FOXP2: variants seen among roughly 807,000 people sequenced by gnomAD.
FOXP2 encodes forkhead box P2, also known as forkhead box protein P2.
Under a neutral mutation model 115.8 loss-of-function variants are expected in FOXP2, and 12 were observed. The ratio of observed to expected loss-of-function variants is 0.10; its 90% CI spans 0.07 to 0.17. The LOEUF (loss-of-function observed/expected upper bound fraction) is 0.17. Among genes scored for constraint, FOXP2 ranks in the 10% least tolerant of loss-of-function variants. FOXP2 has a pLI of 1.00. For synonymous variants in FOXP2, 328 were observed against 297.7 expected, an observed-to-expected ratio of 1.10 and a Z score of -1.05; for missense variants, 629 against 843.5, an observed-to-expected ratio of 0.75 and a Z score of 3.15.
In FOXP2 at chr7:114,642,206, T is replaced by G. The variant is rs73440417; in HGVS notation, c.776-204T>G. Reference sequence around the variant, plus strand: ...CATTATTCCCCATACTATTCCCAAATTGGTACTCTTTAGAAAATAAATGAT... The same window carrying G: ...CATTATTCCCCATACTATTCCCAAAGTGGTACTCTTTAGAAAATAAATGAT... On this transcript the variant is annotated intron_variant, in intron 6 of 16. Transcript: ENST00000350908. 4.5e-3 allele frequency among the ~76,000 whole-genome samples: 681 copies of G among 152,248 alleles called. 7 individuals are homozygous for G. Among genetic ancestry groups the G allele is most frequent in the African/African-American group, 0.015 (633 of 41,550 alleles).
At chr7:114,256,471 T>C (rs1435897443) in intron 1 of FOXP2, among the ~76,000 whole-genome samples, 1 of 152,176 alleles carries the variant, frequency 6.6e-6, no homozygotes, top group Non-Finnish European at 1.5e-5. Flanking sequence ...GAGCTTTTTT[T>C]CCTGTTTGTT....
chr7:114,241,899 A>G (rs1044644908), intron 1 of FOXP2, among the ~76,000 whole-genome samples: 1 of 151,476 alleles, frequency 6.6e-6, no homozygotes, highest in African/African-American at 2.4e-5. Context: ...TCCCCCAACT[A>G]AAACCATGCC....
chr7:114,177,011 G>C (rs1793334441), intron 1 of FOXP2, among the ~76,000 whole-genome samples: 1 of 152,038 alleles, frequency 6.6e-6, no homozygotes, highest in South Asian at 2.1e-4. Flanking sequence ...CTTCCTCCCT[G>C]TTATTGTGTA....
At chr7:114,637,619 TC>T (rs1805293530) in intron 6 of FOXP2, among the ~76,000 whole-genome samples, 2 of 151,976 alleles carry the variant, frequency 1.3e-5, no homozygotes, top group African/African-American at 4.8e-5. Context: ...CAGACAGAAA[TC>T]CCTGCCATCA....
chr7:114,219,667 T>G (rs1794570193), intron 1 of FOXP2, among the ~76,000 whole-genome samples: 1 of 152,222 alleles, frequency 6.6e-6, no homozygotes, highest in Non-Finnish European at 1.5e-5. Context: ...CACTTATATT[T>G]TAGTGAATAT....
At chr7:114,271,754 TATATATTATTTA>T (rs1796056602) in intron 1 of FOXP2, among the ~76,000 whole-genome samples, 1 of 118,314 alleles carries the variant, frequency 8.5e-6, no homozygotes, top group East Asian at 2.2e-4. Context: ...ATGCATTAAA[TATATATTATTTA>T]ATATATTATT....
At chr7:114,242,541 A>T (rs1795182082) in intron 1 of FOXP2, among the ~76,000 whole-genome samples, 1 of 152,124 alleles carries the variant, frequency 6.6e-6, no homozygotes, top group Non-Finnish European at 1.5e-5. Flanking sequence ...TGGACTAGAG[A>T]TCATCCTCCA....
chr7:114,509,498 T>A (rs1255472942), intron 2 of FOXP2, among the ~76,000 whole-genome samples: 1 of 151,934 alleles, frequency 6.6e-6, no homozygotes, highest in Non-Finnish European at 1.5e-5. Context: ...TGGTATAAAG[T>A]TTTATAAATT....
chr7:114,523,232 T>C (rs946699292), intron 2 of FOXP2, among the ~76,000 whole-genome samples: 1 of 152,178 alleles, frequency 6.6e-6, no homozygotes, highest in Non-Finnish European at 1.5e-5. Context: ...AAACTCAGAA[T>C]GGTGCTGGGA....
At chr7:114,199,806 C>A (rs1026006741) in intron 1 of FOXP2, among the ~76,000 whole-genome samples, 1 of 151,222 alleles carries the variant, frequency 6.6e-6, no homozygotes, top group African/African-American at 2.4e-5. Context: ...AACATACCAC[C>A]GAGTAAATAC....
At chr7:114,330,137 C>T (rs1420075567) in intron 2 of FOXP2, among the ~76,000 whole-genome samples, 3 of 151,764 alleles carry the variant, frequency 2.0e-5, no homozygotes, top group African/African-American at 4.8e-5. Context: ...AGGTTTTAAT[C>T]GACATTATCC....
At chr7:114,170,896 G>T (rs1453840598) in intron 1 of FOXP2, among the ~76,000 whole-genome samples, 2 of 152,210 alleles carry the variant, frequency 1.3e-5, no homozygotes, top group African/African-American at 2.4e-5. Flanking sequence ...TAAAATCATT[G>T]ATAAAGTTGG....
At chr7:114,102,696 C>CCACACACACACACACACACACACACACA (rs10624558) in intron 1 of FOXP2, among the ~76,000 whole-genome samples, 1 of 136,388 alleles carries the variant, frequency 7.3e-6, no homozygotes, top group African/African-American at 2.7e-5. Context: ...ACACCACACA[C>CCACACACACACACACACACACACACACA]CACACACACA....
At chr7:114,182,616 C>CT (rs781470869) in intron 1 of FOXP2, among the ~76,000 whole-genome samples, 51 of 142,506 alleles carry the variant, frequency 3.6e-4, no homozygotes, top group East Asian at 6.1e-4. Flanking sequence ...TTGTGTTTGT[C>CT]TTTTTTTTTT....
At chr7:114,173,946 G>A (rs1449482884) in intron 1 of FOXP2, among the ~76,000 whole-genome samples, 1 of 151,654 alleles carries the variant, frequency 6.6e-6, no homozygotes, top group Non-Finnish European at 1.5e-5. Flanking sequence ...TGTTTGCTCT[G>A]CCAGTTAGAA....
intron 1 of FOXP2, among the ~76,000 whole-genome samples, chr7:114,242,508 G>A (rs960799115): frequency 1.3e-5 from 2 of 151,964 alleles, no homozygotes; most frequent in Admixed American, 6.5e-5. Flanking sequence ...TATAAGGAAG[G>A]AGTACTCATA....
At position 114,382,542 on chromosome 7, in the gene FOXP2, G is replaced by A. The variant is rs1168988438; in HGVS notation, c.-10-43960G>A. Among the ~76,000 whole-genome samples, 26 of 151,846 alleles carry A rather than the reference G, an allele frequency of 1.7e-4. 1 individual carries two copies. The highest frequency in any genetic ancestry group is 3.5e-4 in the Non-Finnish European group (24 of 67,988). The stretch of plus-strand genomic sequence containing the variant: ...CATTCGATTTGCCCAGCTTTTCCCT[G>A]TTCCAGAACCTCCAAAGTCTGCTTG... On this transcript the variant is annotated intron_variant, in intron 2 of 17. Coordinates refer to the FOXP2 transcript ENST00000634411.
chr7:114,371,958 T>C (rs1288679068), intron 2 of FOXP2, among the ~76,000 whole-genome samples: 3 of 152,208 alleles, frequency 2.0e-5, no homozygotes, highest in Non-Finnish European at 4.4e-5. Context: ...GTTCTATATA[T>C]CCATATGAAT....
intron 3 of FOXP2, among the ~76,000 whole-genome samples, chr7:114,605,714 G>C (rs1389006224): frequency 2.0e-5 from 3 of 152,178 alleles, no homozygotes; most frequent in Non-Finnish European, 2.9e-5. Context: ...GAAAGCATGT[G>C]TTCTAAATGT....
Sources: gnomAD v4.1 joint callset for allele counts (sites outside exome capture counted in the v4.1 genomes callset) on GRCh38, gnomAD v4.1.1 for gene constraint, MANE v1.5 for transcripts, NCBI Gene and HGNC (gene_info 2026-07-23, HGNC 2026-07-21) for gene names.